KDM4C: variants seen among roughly 807,000 people sequenced by gnomAD.
KDM4C encodes the protein lysine demethylase 4C, also known as lysine-specific demethylase 4C.
KDM4C carries 81 observed loss-of-function variants against 129.3 expected under a neutral mutation model. The observed-to-expected ratio is 0.63, with a 90% CI of 0.52 to 0.75. The LOEUF is 0.75. Ranked by LOEUF, KDM4C falls within the 30% of genes least tolerant of loss-of-function variation. The pLI is 0.00. For missense variants in KDM4C, 1,457 were observed against 1,304.0 expected, an observed-to-expected ratio of 1.12 and a Z score of -1.81; for synonymous variants, 573 against 456.1, an observed-to-expected ratio of 1.26 and a Z score of -3.26.
chr9:7,060,937 C>A (rs1417875191), intron 17 of KDM4C, among the ~76,000 whole-genome samples: 1 of 152,170 alleles, frequency 6.6e-6, no homozygotes, highest in African/African-American at 2.4e-5. Flanking sequence ...TCCTTACTTC[C>A]CTTTCCTCAA....
At chr9:7,059,773 C>T (rs1831360351) in intron 17 of KDM4C, among the ~76,000 whole-genome samples, 2 of 152,166 alleles carry the variant, frequency 1.3e-5, no homozygotes, top group South Asian at 4.1e-4. Flanking sequence ...CAACGCCACT[C>T]TTCAAGCTGT....
At chr9:6,799,009 C>T (rs1482873873) in intron 2 of KDM4C, among the ~76,000 whole-genome samples, 7 of 118,266 alleles carry the variant, frequency 5.9e-5, no homozygotes, top group African/African-American at 2.5e-4. Context: ...GATGGGATGG[C>T]GGCCGGGAAG....
At chr9:6,992,014 T>G (rs1271288461) in intron 12 of KDM4C, among the ~76,000 whole-genome samples, 1 of 122,718 alleles carries the variant, frequency 8.1e-6, no homozygotes, top group Non-Finnish European at 1.9e-5. Flanking sequence ...TGTTGAGTTC[T>G]TTTTCTTTTT....
chr9:7,135,019 A>G (rs1841042067), intron 19 of KDM4C, among the ~76,000 whole-genome samples: 2 of 152,156 alleles, frequency 1.3e-5, no homozygotes, highest in African/African-American at 4.8e-5. Context: ...GACTTTTTAC[A>G]TTACAGCCTT....
At chr9:7,167,766 TCTCA>T (rs1844544208) in intron 20 of KDM4C, among the ~76,000 whole-genome samples, 1 of 152,258 alleles carries the variant, frequency 6.6e-6, no homozygotes, top group South Asian at 2.1e-4. Flanking sequence ...CACCTGGGTG[TCTCA>T]GCAAAGCTAG....
intron 7 of KDM4C, 91 bp from the exon 8 acceptor site, chr9:6,893,000 TTTTC>T: frequency 9.8e-7 from 1 of 1,021,070 alleles, no homozygotes; most frequent in East Asian, 3.1e-5. Context: ...TCAAGACTTT[TTTTC>T]TTTGTTTTTT....
At chr9:6,791,900 T>G (rs1230808186) in intron 1 of KDM4C, among the ~76,000 whole-genome samples, 1 of 152,112 alleles carries the variant, frequency 6.6e-6, no homozygotes, top group African/African-American at 2.4e-5. Context: ...ACCATGCCTG[T>G]AATCCGAGCT....
intron 4 of KDM4C, among the ~76,000 whole-genome samples, chr9:6,836,241 C>G (rs974279562): frequency 6.6e-6 from 1 of 152,084 alleles, no homozygotes; most frequent in Non-Finnish European, 1.5e-5. Flanking sequence ...CACCTGAGGT[C>G]AGGAGTTCAA....
chr9:6,762,052 C>A lies in KDM4C; in HGVS notation c.-18+3849C>A, dbSNP rs10975821. On this transcript the variant is annotated intron_variant, in intron 1 of 21. Coordinates refer to ENST00000381309, the MANE Select transcript of KDM4C (RefSeq NM_015061.6). ...TGACCTCGTGATCCGCCTGCCTCGG[C>A]CTCCCAAAGTGCTGGGATTACAGGT... Among the ~76,000 whole-genome samples, 409 of 152,158 alleles carry A rather than the reference C, an allele frequency of 2.7e-3. 15 individuals carry two copies. The East Asian group carries it at 0.067, about 25-fold the overall frequency.
At chr9:6,884,100 G>A (rs1844888884) in intron 6 of KDM4C, among the ~76,000 whole-genome samples, 1 of 152,114 alleles carries the variant, frequency 6.6e-6, no homozygotes. Flanking sequence ...TCCATTCCAG[G>A]ATCAGTATGA....
intron 8 of KDM4C, among the ~76,000 whole-genome samples, chr9:6,954,867 T>C (rs937073743): frequency 2.6e-5 from 4 of 152,156 alleles, no homozygotes; most frequent in Non-Finnish European, 5.9e-5. Flanking sequence ...CCATTTAGGG[T>C]TAAGTAATTT....
chr9:6,854,862 T>C (rs1839519535), intron 5 of KDM4C, among the ~76,000 whole-genome samples: 1 of 152,224 alleles, frequency 6.6e-6, no homozygotes. Context: ...TGTGTCAGTC[T>C]TGAGTTTTGC....
intron 8 of KDM4C, among the ~76,000 whole-genome samples, chr9:6,904,429 C>A (rs1817945085): frequency 6.8e-6 from 1 of 146,724 alleles, no homozygotes. Flanking sequence ...TTTTGAGGGG[C>A]ATCACAGAAC....
rs567680456 is a variant in KDM4C at position 6,949,071 on chromosome 9, G to GC, written c.922-31848dup. Among the ~76,000 whole-genome samples the GC allele has an allele frequency of 9.1e-3, 1,370 of 149,870 alleles. 3 individuals are homozygous for GC. The highest frequency in any genetic ancestry group is 0.011 in the Non-Finnish European group (761 of 67,474). On this transcript the variant is annotated intron_variant, in intron 8 of 21. Transcript: ENST00000381309. ...CCAGAAGGGGCGGCTGGGCAGAGGC[G>GC]CCCCCCATCTCCCGGACGGGGCGGC...
intron 17 of KDM4C, among the ~76,000 whole-genome samples, chr9:7,071,864 A>G (rs1323284691): frequency 6.6e-6 from 1 of 152,174 alleles, no homozygotes; most frequent in African/African-American, 2.4e-5. Flanking sequence ...CTCATCTGAA[A>G]GACACTGTTT....
At chr9:7,150,034 G>C (rs899984242) in intron 19 of KDM4C, among the ~76,000 whole-genome samples, 4 of 152,170 alleles carry the variant, frequency 2.6e-5, no homozygotes, top group African/African-American at 9.7e-5. Flanking sequence ...GAATACTGTA[G>C]AAAGGGAGAG....
chr9:6,917,444 G>C (rs1381705595), intron 8 of KDM4C, among the ~76,000 whole-genome samples: 2 of 152,164 alleles, frequency 1.3e-5, no homozygotes, highest in Non-Finnish European at 2.9e-5. Context: ...TCATTGTAAA[G>C]ATACCTTTGG....
intron 17 of KDM4C, among the ~76,000 whole-genome samples, chr9:7,054,979 C>G (rs780313921): frequency 4.6e-5 from 7 of 152,072 alleles, no homozygotes; most frequent in Non-Finnish European, 8.8e-5. Context: ...AGCATTGAGA[C>G]CATCCTGGCC....
chr9:7,134,472 T>G (rs1437562424), intron 19 of KDM4C, among the ~76,000 whole-genome samples: 1 of 152,238 alleles, frequency 6.6e-6, no homozygotes, highest in Non-Finnish European at 1.5e-5. Context: ...CCAAATTTCC[T>G]TGGACATTTT....
Sources: gnomAD v4.1 joint callset for allele counts (sites outside exome capture counted in the v4.1 genomes callset) on GRCh38, gnomAD v4.1.1 for gene constraint, MANE v1.5 for transcripts, NCBI Gene and HGNC (gene_info 2026-07-23, HGNC 2026-07-21) for gene names.